Variants in ESRRB observed in about 807,000 individuals in gnomAD.
ESRRB encodes the protein estrogen related receptor beta.
A neutral mutation model predicts 46.0 loss-of-function variants in ESRRB; 16 were observed. That is an observed-to-expected ratio of 0.35 (90% CI 0.24 to 0.53). The LOEUF (loss-of-function observed/expected upper bound fraction) is 0.53. Among genes scored for constraint, ESRRB ranks in the 20% least tolerant of loss-of-function variants. The pLI is 0.93. For missense variants in ESRRB, 488 were observed against 607.4 expected, an observed-to-expected ratio of 0.80 and a Z score of 2.07; for synonymous variants, 246 against 259.6, an observed-to-expected ratio of 0.95 and a Z score of 0.50.
At chr14:76,404,779 G>C (rs1165738951) in intron 1 of ESRRB, among the ~76,000 whole-genome samples, 1 of 152,018 alleles carries the variant, frequency 6.6e-6, no homozygotes. Flanking sequence ...TGTTTTTTTG[G>C]CCACTGAGGT....
At chr14:76,485,365 G>C (rs1314328406) in intron 5 of ESRRB, among the ~76,000 whole-genome samples, 1 of 148,900 alleles carries the variant, frequency 6.7e-6, no homozygotes, top group Non-Finnish European at 1.5e-5. Flanking sequence ...AGCCTCCCAA[G>C]TAGCTGGGAC....
At chr14:76,366,751 C>T (rs1222893912), upstream of ESRRB, among the ~76,000 whole-genome samples, 1 of 152,160 alleles carries the variant, frequency 6.6e-6, no homozygotes, top group African/African-American at 2.4e-5. Flanking sequence ...GATGGTTCTA[C>T]CGCTTGGCTT....
intron 1 of ESRRB, among the ~76,000 whole-genome samples, chr14:76,340,749 A>G (rs1884182556): frequency 6.6e-6 from 1 of 152,192 alleles, no homozygotes; most frequent in Non-Finnish European, 1.5e-5. Context: ...TTGACAAACC[A>G]TGAGGGAGGA....
chr14:76,376,469 C>A lies in ESRRB; in HGVS notation c.50+18C>A, dbSNP rs1884770405. On this transcript the variant is annotated intron_variant, in intron 1 of 6. Coordinates refer to ENST00000644823, the MANE Select transcript of ESRRB (RefSeq NM_001379180.1). This position sits in a 1 kb window ranked among gnomAD's most constrained non-coding sequence, Gnocchi z 4.1. ...CACAACCAGTAGGTGCCCTGCTTCT[C>A]GGTCTGTCTGTCCTTCTGCCCGTCT... 28 of 1,231,028 alleles carry A rather than the reference C, an allele frequency of 2.3e-5. No individual in the cohort carries two copies. Among genetic ancestry groups the A allele is most frequent in the Non-Finnish European group, 2.8e-5 (28 of 987,434 alleles). 76.3% of individuals were successfully genotyped at this position (1,231,028 alleles called of 1,614,324 possible). A position where few individuals can be genotyped will look rare whatever the true frequency, so the allele number is the denominator to read the frequency against.
At chr14:76,437,427 T>C (rs996962109) in intron 1 of ESRRB, among the ~76,000 whole-genome samples, 2 of 152,188 alleles carry the variant, frequency 1.3e-5, no homozygotes, top group African/African-American at 4.8e-5. Flanking sequence ...GTGGCATTGC[T>C]ATTTGGCCAT....
chr14:76,340,509 G>A (rs930946899), intron 1 of ESRRB, among the ~76,000 whole-genome samples: 3 of 152,134 alleles, frequency 2.0e-5, no homozygotes, highest in South Asian at 2.1e-4. Flanking sequence ...CTCTGGGCTC[G>A]GTTGACTTCA....
intron 2 of ESRRB, among the ~76,000 whole-genome samples, chr14:76,456,975 A>T (rs1888641057): frequency 6.6e-6 from 1 of 152,132 alleles, no homozygotes; most frequent in Non-Finnish European, 1.5e-5. Flanking sequence ...GAGCTCTGTC[A>T]TTAGCCAGCA....
At chr14:76,443,099 A>G (rs1473983164) in intron 2 of ESRRB, among the ~76,000 whole-genome samples, 1 of 152,084 alleles carries the variant, frequency 6.6e-6, no homozygotes, top group Non-Finnish European at 1.5e-5. Context: ...TACAGGCATG[A>G]GCCACCGCGC....
chr14:76,404,920 C>T (rs1016190578), intron 1 of ESRRB, among the ~76,000 whole-genome samples: 2 of 152,080 alleles, frequency 1.3e-5, no homozygotes, highest in African/African-American at 2.4e-5. Context: ...CAGAGAGACC[C>T]AGGAAGCCCC....
chr14:76,445,928 C>G (rs1023672855), intron 2 of ESRRB, among the ~76,000 whole-genome samples: 2 of 152,174 alleles, frequency 1.3e-5, no homozygotes, highest in African/African-American at 2.4e-5. Context: ...TCAAGTGATC[C>G]ACCCACCTCA....
intron 1 of ESRRB, among the ~76,000 whole-genome samples, chr14:76,331,660 T>G (rs534092599): frequency 3.3e-5 from 5 of 152,224 alleles, no homozygotes; most frequent in Admixed American, 3.3e-4. Flanking sequence ...GCCTGTCCTC[T>G]TGTCCAGGGG....
rs1566859729 is a variant in ESRRB, at chr14:76,358,405, A to AAGAAAGAAAGAT, written c.2+47498_2+47499insGATAGAAAGAAA. Among the ~76,000 whole-genome samples the AAGAAAGAAAGAT allele has an allele frequency of 2.0e-4, 28 of 140,392 alleles. 1 individual carries two copies. The highest frequency in any genetic ancestry group is 2.9e-4 in the Non-Finnish European group (19 of 64,914). 92.1% of individuals were successfully genotyped at this position (140,392 alleles called of 152,430 possible). On this transcript the variant is annotated intron_variant, in intron 1 of 6. Coordinates refer to the ESRRB transcript ENST00000512784. ...AAAGAAAGAAAGAAAGAAAGAAAGA[A>AAGAAAGAAAGAT]AGAAAGAAAAGAAAAGAAAAAGAAA...
At chr14:76,388,989 T>A (rs1366163954) in intron 1 of ESRRB, among the ~76,000 whole-genome samples, 1 of 152,130 alleles carries the variant, frequency 6.6e-6, no homozygotes, top group African/African-American at 2.4e-5. Context: ...AAAGACAGCA[T>A]CACACTCTAA....
chr14:76,485,850 A>G (rs1331002168), intron 5 of ESRRB, among the ~76,000 whole-genome samples: 2 of 152,212 alleles, frequency 1.3e-5, no homozygotes, highest in African/African-American at 4.8e-5. Flanking sequence ...AAGGTACCGC[A>G]TCTCACGAGA....
chr14:76,448,263 A>AT (rs1359842772), intron 2 of ESRRB, among the ~76,000 whole-genome samples: 3 of 148,134 alleles, frequency 2.0e-5, no homozygotes, highest in South Asian at 2.1e-4. Context: ...GGTTATTGCC[A>AT]TTTTTTTTGT....
chr14:76,311,619 C>T (rs1883735283), intron 1 of ESRRB, among the ~76,000 whole-genome samples: 1 of 152,232 alleles, frequency 6.6e-6, no homozygotes, highest in African/African-American at 2.4e-5. Context: ...TGAAAGGGAA[C>T]TTGGCTGGGG....
chr14:76,403,114 T>C (rs1451367394), intron 1 of ESRRB, among the ~76,000 whole-genome samples: 3 of 152,218 alleles, frequency 2.0e-5, no homozygotes, highest in Non-Finnish European at 4.4e-5. Flanking sequence ...CAGCTGCACT[T>C]AGAGGGTGTT....
At chr14:76,474,009 A>C (rs1889476193) in intron 3 of ESRRB, among the ~76,000 whole-genome samples, 1 of 152,242 alleles carries the variant, frequency 6.6e-6, no homozygotes, top group African/African-American at 2.4e-5. Flanking sequence ...AGGTGGGAGC[A>C]GTTATGACTG....
chr14:76,474,049 T>C (rs1357830825), intron 3 of ESRRB, among the ~76,000 whole-genome samples: 2 of 152,248 alleles, frequency 1.3e-5, no homozygotes, highest in Admixed American at 6.5e-5. Flanking sequence ...TGTTCTCAAG[T>C]TGGACAAAGG....
Sources: allele counts gnomAD v4.1 joint callset (sites outside exome capture counted in the v4.1 genomes callset), GRCh38; gene constraint gnomAD v4.1.1; non-coding constraint Gnocchi (gnomAD v3.1); transcripts MANE v1.5; gene names NCBI Gene and HGNC (gene_info 2026-07-23, HGNC 2026-07-21).